Variants in ZAR1L observed in about 807,000 individuals in gnomAD.
The protein encoded by ZAR1L is zygote arrest 1 like.
A neutral mutation model predicts 30.0 loss-of-function variants in ZAR1L; 16 were observed. That is an observed-to-expected ratio of 0.53 (90% CI 0.36 to 0.81). ZAR1L has a LOEUF of 0.81. Ranked by LOEUF, ZAR1L falls within the 30% of genes least tolerant of loss-of-function variation. The pLI is 0.00. For synonymous variants in ZAR1L, 197 were observed against 166.8 expected, an observed-to-expected ratio of 1.18 and a Z score of -1.40; for missense variants, 392 against 417.2, an observed-to-expected ratio of 0.94 and a Z score of 0.53.
intron 5 of ZAR1L, among the ~76,000 whole-genome samples, chr13:32,305,697 T>C (rs2072169757): frequency 6.6e-6 from 1 of 152,230 alleles, no homozygotes; most frequent in Admixed American, 6.5e-5. Context: ...CTGGAAATGA[T>C]GGATTAGGTA....
Position 32,311,548 on chromosome 13 carries a change from G to C in ZAR1L, c.378C>G (p.Pro126=), listed in dbSNP as rs2072213537. The C allele has an allele frequency of 2.0e-6, 3 of 1,532,968 alleles. No individual in the cohort carries two copies. The highest frequency in any genetic ancestry group is 2.0e-5 in the Admixed American group (1 of 49,544). 95.0% of individuals were successfully genotyped at this position (1,532,968 alleles called of 1,614,324 possible). A position where few individuals can be genotyped will look rare whatever the true frequency, so the allele number is the denominator to read the frequency against. Residue 126 remains proline (P), a synonymous_variant, in exon 3 of 6, where the codon CCC becomes CCG. Coordinates refer to ENST00000533490, the MANE Select transcript of ZAR1L (RefSeq NM_001136571.2). The part of the protein sequence containing the change: ...SPWDGRDPQE[P]LPACGVTSPA... ...GCGAAGTGACCCCACAGGCTGGCAGGGGCTCCTGGGGGTCTCTGCCGTCCC... is the reference window on the plus strand; with the variant it reads ...GCGAAGTGACCCCACAGGCTGGCAGCGGCTCCTGGGGGTCTCTGCCGTCCC...
chr13:32,306,241 C>A (rs2072173910), intron 5 of ZAR1L, among the ~76,000 whole-genome samples: 1 of 151,934 alleles, frequency 6.6e-6, no homozygotes. Flanking sequence ...TAGATAAGCA[C>A]ATAAGAGACA....
At chr13:32,309,051 T>G (rs2072195457) in intron 4 of ZAR1L, among the ~76,000 whole-genome samples, 1 of 150,898 alleles carries the variant, frequency 6.6e-6, no homozygotes, top group Admixed American at 6.6e-5. Context: ...AGTGCAATGG[T>G]GGGAAATCGG....
intron 5 of ZAR1L, 134 bp from the exon 6 acceptor site, chr13:32,304,156 A>T: frequency 9.3e-6 from 8 of 857,842 alleles, no homozygotes; most frequent in Non-Finnish European, 1.4e-5. Context: ...GAGAAGGCCA[A>T]GACCAAGTTG....
chr13:32,310,564 C>T (rs995608828), intron 4 of ZAR1L, 75 bp downstream of exon 4: 2 of 1,020,122 alleles, frequency 2.0e-6, no homozygotes, highest in African/African-American at 3.2e-5. Flanking sequence ...CATGCTCCCT[C>T]AGGAATCAGA....
intron 5 of ZAR1L, among the ~76,000 whole-genome samples, chr13:32,305,225 C>CTTT (rs576728566): frequency 1.2e-3 from 181 of 146,694 alleles, no homozygotes; most frequent in African/African-American, 4.1e-3. Flanking sequence ...GAGAAAATTC[C>CTTT]TTTTTTTTTT....
At chr13:32,312,603 C>T (rs1593877113) in intron 2 of ZAR1L, among the ~76,000 whole-genome samples, 1 of 152,000 alleles carries the variant, frequency 6.6e-6, no homozygotes, top group Non-Finnish European at 1.5e-5. Context: ...CCTGGCCAGG[C>T]GCGGTGGCTC....
At chr13:32,311,107 CCAAA>C (rs2072208750) in intron 3 of ZAR1L, among the ~76,000 whole-genome samples, 161 bp downstream of exon 3, 1 of 152,150 alleles carries the variant, frequency 6.6e-6, no homozygotes, top group Admixed American at 6.5e-5. Flanking sequence ...CCAAAACTTA[CCAAA>C]CATACAGGCC....
In ZAR1L at chr13:32,312,022, T is replaced by A; in HGVS notation, c.-97A>T. 7.5e-7 allele frequency: 1 copy of A among 1,336,258 alleles called. No individual in the cohort carries two copies. The highest frequency in any genetic ancestry group is 1.0e-6 in the Non-Finnish European group (1 of 1,002,304). 82.8% of individuals were successfully genotyped at this position (1,336,258 alleles called of 1,614,324 possible). On this transcript the variant is annotated 5_prime_UTR_variant, in exon 3 of 6. It removes an upstream start codon present in the reference 5' UTR. Transcript: ENST00000533490. ...TTCATCCGCCCCTTCTTTCTCTTCATCAGGTTGGTTCAGATTCATTCCTGG... is the reference window on the plus strand; with the variant it reads ...TTCATCCGCCCCTTCTTTCTCTTCAACAGGTTGGTTCAGATTCATTCCTGG...
intron 2 of ZAR1L, 108 bp downstream of exon 2, chr13:32,314,212 GAATTAGACTT>G (rs1566213023): frequency 7.8e-6 from 1 of 127,742 alleles, no homozygotes; most frequent in Non-Finnish European, 1.7e-5. Context: ...ATTTCTTTGC[GAATTAGACTT>G]AGAGCAAAAG....
At position 32,309,299 on chromosome 13, in the gene ZAR1L, T is replaced by C. The variant is rs143759631; in HGVS notation, c.748-539A>G. On this transcript the variant is annotated intron_variant, in intron 4 of 5. Transcript: ENST00000533490. ...GAGCCACCGCATCCAGCCAGAATAATACGATTAATACTTACTTTTTCCATA... is the reference window on the plus strand; with the variant it reads ...GAGCCACCGCATCCAGCCAGAATAACACGATTAATACTTACTTTTTCCATA... Among the ~76,000 whole-genome samples the C allele has an allele frequency of 1.7e-3, 266 of 152,236 alleles. 1 individual carries two copies. The highest frequency in any genetic ancestry group is 6.3e-3 in the African/African-American group (262 of 41,548).
intron 5 of ZAR1L, among the ~76,000 whole-genome samples, chr13:32,307,587 A>G (rs2072185635): frequency 6.6e-6 from 1 of 151,412 alleles, no homozygotes; most frequent in African/African-American, 2.4e-5. Flanking sequence ...TATGGTAACC[A>G]TCAAAAGGAC....
intron 1 of ZAR1L, among the ~76,000 whole-genome samples, 155 bp downstream of exon 1, chr13:32,315,160 A>G (rs1170598691): frequency 6.6e-6 from 1 of 152,114 alleles, no homozygotes; most frequent in East Asian, 1.9e-4. Flanking sequence ...GAACAAAGGT[A>G]TTTCATAGGT....
Position 32,310,354 on chromosome 13 carries a change from TA to T in ZAR1L, c.747+284del, listed in dbSNP as rs1018283968. ...CCAGACCTGTTCCAAGCATACCAAC[TA>T]AAAAACGGTTAGAAAAACTTCCAAT... is the stretch of plus-strand genomic sequence containing the variant. On this transcript the variant is annotated intron_variant, in intron 4 of 5. Coordinates refer to ENST00000533490, the MANE Select transcript of ZAR1L (RefSeq NM_001136571.2). 1.4e-4 allele frequency among the ~76,000 whole-genome samples: 22 copies of T among 152,310 alleles called. 1 individual carries two copies. The highest frequency in any genetic ancestry group is 5.3e-4 in the African/African-American group (22 of 41,574).
chr13:32,307,778 C>G (rs1300025970), intron 5 of ZAR1L, among the ~76,000 whole-genome samples: 4 of 151,918 alleles, frequency 2.6e-5, no homozygotes, highest in Non-Finnish European at 5.9e-5. Flanking sequence ...CACTTATAAG[C>G]TAGTTTTCGA....
chr13:32,309,171 T>C (rs1454861050), intron 4 of ZAR1L, among the ~76,000 whole-genome samples: 1 of 152,044 alleles, frequency 6.6e-6, no homozygotes, highest in Non-Finnish European at 1.5e-5. Flanking sequence ...TTTGTATTTT[T>C]AGTAGAGACT....
intron 5 of ZAR1L, among the ~76,000 whole-genome samples, chr13:32,308,284 AT>A (rs2072190144): frequency 6.6e-6 from 1 of 152,220 alleles, no homozygotes; most frequent in South Asian, 2.1e-4. Flanking sequence ...TGGGAAAGTT[AT>A]TTTGAACTTA....
chr13:32,310,810 G>GA (rs542285913), intron 3 of ZAR1L, 79 bp from the exon 4 acceptor site: 750 of 914,674 alleles, frequency 8.2e-4, no homozygotes, highest in Admixed American at 1.1e-3. Context: ...TTTGTATAAG[G>GA]AAAAAAAAAT....
Position 32,305,631 on chromosome 13 carries a change from C to T in ZAR1L, c.823-1609G>A, listed in dbSNP as rs998697539. ...GAATTCATTTAATTCTCACAACACC[C>T]TTACAAAGAAAGGCTCAATAAAATA... On this transcript the variant is annotated intron_variant, in intron 5 of 5. Transcript: ENST00000533490. 8.5e-4 allele frequency among the ~76,000 whole-genome samples: 129 copies of T among 152,324 alleles called. 1 individual carries two copies. The highest frequency in any genetic ancestry group is 3.0e-3 in the African/African-American group (126 of 41,568).
Sources: gnomAD v4.1 joint callset for allele counts (sites outside exome capture counted in the v4.1 genomes callset) on GRCh38, gnomAD v4.1.1 for gene constraint, MANE v1.5 for transcripts, NCBI Gene and HGNC (gene_info 2026-07-23, HGNC 2026-07-21) for gene names.